SIM2: variants seen among roughly 807,000 people sequenced by gnomAD.
SIM2 encodes the protein single-minded homolog 2.
SIM2 carries 28 observed loss-of-function variants against 64.8 expected under a neutral mutation model. That is an observed-to-expected ratio of 0.43 (90% confidence interval 0.32 to 0.59). The LOEUF (loss-of-function observed/expected upper bound fraction) is 0.59. Ranked by LOEUF, SIM2 falls within the 20% of genes least tolerant of loss-of-function variation. The probability of loss-of-function intolerance (pLI) is 0.07; values close to 1 mark genes in which losing one functional copy is unlikely to be tolerated. For synonymous variants in SIM2, 408 were observed against 391.1 expected (o/e 1.04, Z -0.51); for missense variants, 847 against 871.4 (o/e 0.97, Z 0.35).
chr21:36,746,040 G>A (rs1387127125), intron 10 of SIM2: 23 of 1,119,064 alleles, frequency 2.1e-5, no homozygotes, highest in Non-Finnish European at 2.4e-5. Flanking sequence ...CCCAGGCCGG[G>A]CTCAGTGGCT....
At chr21:36,710,876 C>T (rs1259796415) in intron 2 of SIM2, among the ~76,000 whole-genome samples, 1 of 152,230 alleles carries the variant, frequency 6.6e-6, no homozygotes, top group African/African-American at 2.4e-5. Flanking sequence ...CCTCCACTTC[C>T]AGCTCCGAGC....
chr21:36,739,967 CA>C (rs548332516), intron 7 of SIM2, among the ~76,000 whole-genome samples: 829 of 58,020 alleles, frequency 0.014, 7 homozygotes, highest in African/African-American at 0.049. Context: ...GACTCTGTCT[CA>C]AAAAAAAAAA....
chr21:36,722,187 C>T (rs1201141953), intron 4 of SIM2, among the ~76,000 whole-genome samples: 1 of 152,154 alleles, frequency 6.6e-6, no homozygotes, highest in Non-Finnish European at 1.5e-5. Flanking sequence ...CTGGAAATGG[C>T]TGGGGCAGGC....
intron 3 of SIM2, among the ~76,000 whole-genome samples, chr21:36,719,288 G>A (rs541584857): frequency 4.6e-5 from 7 of 152,384 alleles, no homozygotes; most frequent in Admixed American, 1.3e-4. Flanking sequence ...ACGAAGAAAG[G>A]GCCTTTGTCT....
chr21:36,728,375 A>G (rs1159411359), intron 6 of SIM2, among the ~76,000 whole-genome samples: 4 of 152,178 alleles, frequency 2.6e-5, no homozygotes, highest in African/African-American at 9.7e-5. Context: ...CGTTCAATCC[A>G]CATTGCCTGG....
chr21:36,706,184 G>C (rs900691879), intron 1 of SIM2, among the ~76,000 whole-genome samples: 1 of 152,242 alleles, frequency 6.6e-6, no homozygotes, highest in African/African-American at 2.4e-5. Flanking sequence ...GGCAGGCAGG[G>C]TGTGGGACCA....
In SIM2 at chr21:36,709,256, G is replaced by C; in HGVS notation, c.258+6G>C. ...TGGGATCGCACTTGCTGCAGGTAGA[G>C]CGGCCTCGCCGGGGGAGGAGCGCAG... On this transcript the variant is annotated splice_donor_region_variant and intron_variant, in intron 2 of 10. Transcript: ENST00000290399. 6.3e-7 allele frequency: 1 copy of C among 1,591,094 alleles called. No homozygotes were observed. The highest frequency in any genetic ancestry group is 8.5e-7 in the Non-Finnish European group (1 of 1,169,826).
chr21:36,711,045 T>TG (rs918102983), intron 2 of SIM2, among the ~76,000 whole-genome samples: 1 of 152,246 alleles, frequency 6.6e-6, no homozygotes, highest in African/African-American at 2.4e-5. Flanking sequence ...GAGTGGTGTG[T>TG]GGACGGGCGT....
In SIM2 at chr21:36,743,475, T is replaced by G. The variant is rs2089190789; in HGVS notation, c.1087T>G (p.Ser363Ala). 4 of 1,613,950 alleles carry G rather than the reference T, an allele frequency of 2.5e-6. No individual in the cohort carries two copies. In the East Asian group the frequency reaches 8.9e-5, roughly 36 times the overall value. The change falls in exon 9 of 11, where the codon TCA becomes GCA. Residue 363 changes from serine (S) to alanine (A), a missense_variant. This residue lies in a region of SIM2 where 447 missense variants were observed against 414.6 expected (regional missense o/e 1.08). Coordinates refer to ENST00000290399, the MANE Select transcript of SIM2 (RefSeq NM_005069.6). ...QDSWRTALST[S>A]QETRKLVKPK... ...CTCCTGGAGGACCGCCTTGTCTACC[T>G]CACAAGAAACTAGGAAATTAGTGAA...
At chr21:36,712,682 G>C (rs1340948165) in intron 3 of SIM2, 60 bp downstream of exon 3, 1 of 1,157,134 alleles carries the variant, frequency 8.6e-7, no homozygotes, top group African/African-American at 1.5e-5. Context: ...AGCAGATTTT[G>C]ACAGCCTCAC....
intron 7 of SIM2, among the ~76,000 whole-genome samples, chr21:36,732,454 A>C (rs1209496764): frequency 1.3e-5 from 2 of 152,310 alleles, no homozygotes; most frequent in East Asian, 3.9e-4. Context: ...CGCTAGGTCC[A>C]CAGATGCGTG....
intron 1 of SIM2, among the ~76,000 whole-genome samples, chr21:36,708,178 G>C (rs1485107194): frequency 6.6e-6 from 1 of 152,234 alleles, no homozygotes; most frequent in East Asian, 1.9e-4. Flanking sequence ...TCTGCGGCCA[G>C]GCTCCCGGCG....
intron 4 of SIM2, 86 bp from the exon 5 acceptor site, chr21:36,722,959 C>T: frequency 9.8e-7 from 1 of 1,021,302 alleles, no homozygotes; most frequent in African/African-American, 1.6e-5. Context: ...CTGCATCTGG[C>T]CCTGGGAACA....
chr21:36,709,825 T>TTTTG (rs901198009), intron 2 of SIM2: 15 of 232,104 alleles, frequency 6.5e-5, no homozygotes, highest in African/African-American at 1.4e-4. Flanking sequence ...TTGTTTTGTT[T>TTTTG]TTTGTTTGTT....
chr21:36,726,172 C>T lies in SIM2; in HGVS notation c.597C>T (p.Ser199=). 1.2e-6 allele frequency: 2 copies of T among 1,614,052 alleles called. No homozygotes were observed. The highest frequency in any genetic ancestry group is 4.5e-5 in the East Asian group (2 of 44,892). ...LKIRQYMLDM[S]LYDSCYQIVG... ...TCAGGCAGTATATGCTGGACATGTC[C>T]CTGTACGACTCCTGCTACCAGATTG... The change falls in exon 6 of 11, where the codon TCC becomes TCT. Residue 199 remains serine (S), a synonymous_variant. Transcript: ENST00000290399. The surrounding 1 kb of genome is among the most constrained non-coding windows in gnomAD (Gnocchi z 4.5).
chr21:36,719,073 G>A (rs1245617536), intron 3 of SIM2, among the ~76,000 whole-genome samples: 1 of 152,204 alleles, frequency 6.6e-6, no homozygotes, highest in Non-Finnish European at 1.5e-5. Flanking sequence ...GACTGTTGAG[G>A]CAGCAACCCC....
chr21:36,709,992 C>G (rs529248401), intron 2 of SIM2: 1 of 159,164 alleles, frequency 6.3e-6, no homozygotes, highest in Admixed American at 6.2e-5. Flanking sequence ...TCATGCCTGG[C>G]TAATTTTTGT....
In SIM2 at chr21:36,747,757, C is replaced by T. The variant is rs1404304390; in HGVS notation, c.1669C>T (p.Pro557Ser). The T allele has an allele frequency of 3.4e-6, 4 of 1,164,384 alleles. No homozygotes were observed. Among genetic ancestry groups the T allele is most frequent in the Non-Finnish European group, 3.2e-6 (3 of 947,044 alleles). The allele number at this position is 1,164,384 out of a possible 1,614,324, so 72.1% of individuals were successfully genotyped here. ...CTACCGCGAGGAGCCCGCGCTGGGC[C>T]CGGCCAAAGCCGCCCGCCAGGCCGC... ...GHYREEPALG[P>S]AKAARQAARD... Residue 557 changes from proline to serine, a missense_variant, in exon 11 of 11, where the codon CCG (proline) becomes TCG (serine). By Grantham distance (74) the Pro-to-Ser change is moderately conservative. Transcript: ENST00000290399. The surrounding 1 kb of genome is among the most constrained non-coding windows in gnomAD (Gnocchi z 4.5).
chr21:36,729,061 G>A (rs958253247), intron 6 of SIM2, among the ~76,000 whole-genome samples: 17 of 152,142 alleles, frequency 1.1e-4, no homozygotes, highest in African/African-American at 4.1e-4. Flanking sequence ...AAAACCGGGA[G>A]GGCACCTTGC....
Sources: allele counts gnomAD v4.1 joint callset (sites outside exome capture counted in the v4.1 genomes callset), GRCh38; gene constraint gnomAD v4.1.1; regional missense constraint gnomAD v4.1.1; non-coding constraint Gnocchi (gnomAD v3.1); transcripts MANE v1.5; gene names NCBI Gene and HGNC (gene_info 2026-07-23, HGNC 2026-07-21).